Variants in PTPRN2 observed in about 807,000 individuals in gnomAD.
The protein encoded by PTPRN2 is protein tyrosine phosphatase receptor type N2, also known as receptor-type tyrosine-protein phosphatase N2.
PTPRN2 carries 74 observed loss-of-function variants against 118.8 expected under a neutral mutation model. That is an observed-to-expected ratio of 0.62 (90% CI 0.52 to 0.76). PTPRN2 has a LOEUF of 0.76. Ranked by LOEUF, PTPRN2 falls within the 30% of genes least tolerant of loss-of-function variation. The probability of loss-of-function intolerance (pLI) is 0.00; values close to 1 mark genes in which losing one functional copy is unlikely to be tolerated. For missense variants in PTPRN2, 1,481 were observed against 1,394.4 expected (o/e 1.06, Z -0.99); for synonymous variants, 641 against 608.0 (o/e 1.05, Z -0.80).
At chr7:158,342,874 C>G (rs1235303018) in intron 2 of PTPRN2, among the ~76,000 whole-genome samples, 1 of 151,894 alleles carries the variant, frequency 6.6e-6, no homozygotes, top group Non-Finnish European at 1.5e-5. Context: ...CTCACTTGAG[C>G]CAAGATCCAG....
intron 14 of PTPRN2, among the ~76,000 whole-genome samples, chr7:157,655,837 G>A (rs1168810655): frequency 6.6e-6 from 1 of 152,126 alleles, no homozygotes; most frequent in Non-Finnish European, 1.5e-5. Flanking sequence ...CCTGGAAAAG[G>A]CCGCTGAAGC....
intron 11 of PTPRN2, among the ~76,000 whole-genome samples, chr7:158,077,068 T>C (rs939733844): frequency 2.0e-5 from 3 of 152,216 alleles, no homozygotes; most frequent in African/African-American, 7.2e-5. Flanking sequence ...GTCTGCTTTA[T>C]GAGAGGCCAG....
intron 4 of PTPRN2, among the ~76,000 whole-genome samples, chr7:158,194,667 T>C (rs768676629): frequency 3.3e-5 from 5 of 152,194 alleles, no homozygotes; most frequent in African/African-American, 9.6e-5. Flanking sequence ...AGGTCCGAGG[T>C]GGAGGCAGGT....
intron 11 of PTPRN2, among the ~76,000 whole-genome samples, chr7:158,010,191 G>A (rs1005646078): frequency 1.3e-5 from 2 of 152,122 alleles, no homozygotes; most frequent in Non-Finnish European, 2.9e-5. Context: ...ACGGGAGGAC[G>A]GAGTTCATTT....
At chr7:158,173,496 A>C (rs1406333058) in intron 5 of PTPRN2, among the ~76,000 whole-genome samples, 2 of 152,172 alleles carry the variant, frequency 1.3e-5, no homozygotes, top group Non-Finnish European at 2.9e-5. Context: ...GAGGGCAATA[A>C]AAGATCACAA....
chr7:157,766,017 A>C (rs1268879542), intron 12 of PTPRN2, among the ~76,000 whole-genome samples: 3 of 142,524 alleles, frequency 2.1e-5, no homozygotes, highest in Non-Finnish European at 3.0e-5. Flanking sequence ...TCCTTCCTTC[A>C]TCCACCCATC....
rs1473205720 is a variant in PTPRN2 at position 158,022,023 on chromosome 7, G to A, written c.1723+59275C>T. On this transcript the variant is annotated intron_variant, in intron 11 of 22. Transcript: ENST00000389418. The surrounding 1 kb of genome is among the most constrained non-coding windows in gnomAD (Gnocchi z 4.6). The stretch of plus-strand genomic sequence containing the variant: ...GGGCAGCCTCGCCCATCCACCATGA[G>A]GCGAGACCCCACACTCCAGCTGGCC... Among the ~76,000 whole-genome samples, 1 of 152,092 alleles carries A rather than the reference G, an allele frequency of 6.6e-6. No homozygotes were observed. The highest frequency in any genetic ancestry group is 1.5e-5 in the Non-Finnish European group (1 of 68,010).
intron 2 of PTPRN2, among the ~76,000 whole-genome samples, chr7:158,388,738 C>T (rs982668539): frequency 1.2e-4 from 19 of 152,156 alleles, no homozygotes; most frequent in Non-Finnish European, 2.6e-4. Flanking sequence ...GGTGCCTTGG[C>T]CTTTCTGGCC....
chr7:158,407,186 G>GGTCCTGGGTCCTGC (rs1813564821), intron 2 of PTPRN2, among the ~76,000 whole-genome samples: 9 of 17,596 alleles, frequency 5.1e-4, no homozygotes, highest in South Asian at 6.3e-3. Flanking sequence ...CTGCGTCCTG[G>GGTCCTGGGTCCTGC]GTCCTGGGTC....
chr7:158,275,576 G>A (rs1045055003), intron 3 of PTPRN2, among the ~76,000 whole-genome samples: 1 of 152,182 alleles, frequency 6.6e-6, no homozygotes, highest in Non-Finnish European at 1.5e-5. Flanking sequence ...TACAAAAATT[G>A]CAATAAATTA....
intron 12 of PTPRN2, among the ~76,000 whole-genome samples, chr7:157,699,097 C>T (rs1255433834): frequency 6.6e-6 from 1 of 152,208 alleles, no homozygotes; most frequent in African/African-American, 2.4e-5. Flanking sequence ...TATTTGGAAA[C>T]TTTTCCTCGG....
At chr7:158,167,559 T>C (rs1480458905) in intron 5 of PTPRN2, among the ~76,000 whole-genome samples, 1 of 152,226 alleles carries the variant, frequency 6.6e-6, no homozygotes, top group Non-Finnish European at 1.5e-5. Flanking sequence ...TTTATGGAGA[T>C]AATTCACCCA....
At position 157,636,445 on chromosome 7, in the gene PTPRN2, A is replaced by T. The variant is rs190314467; in HGVS notation, c.2197-14936T>A. On this transcript the variant is annotated intron_variant, in intron 14 of 22. Coordinates refer to ENST00000389418, the MANE Select transcript of PTPRN2 (RefSeq NM_002847.5). ...AACAACAACAATTGACAGTGTGATGATTTTAATACCAGACTGCAGCTACTT... is the reference window on the plus strand; with the variant it reads ...AACAACAACAATTGACAGTGTGATGTTTTTAATACCAGACTGCAGCTACTT... 2.0e-3 allele frequency among the ~76,000 whole-genome samples: 304 copies of T among 152,380 alleles called. 1 individual carries two copies. The highest frequency in any genetic ancestry group is 1.7e-3 in the Non-Finnish European group (118 of 68,042).
At chr7:157,952,478 G>GGA (rs1800898256) in intron 11 of PTPRN2, among the ~76,000 whole-genome samples, 2 of 151,416 alleles carry the variant, frequency 1.3e-5, no homozygotes, top group Admixed American at 1.3e-4. Context: ...GGGGACACAG[G>GGA]GAGACAGGCG....
chr7:157,842,993 T>C (rs1333377681), intron 12 of PTPRN2, among the ~76,000 whole-genome samples: 5 of 152,178 alleles, frequency 3.3e-5, no homozygotes, highest in Non-Finnish European at 7.3e-5. Context: ...CCTCCTCCCA[T>C]CTCTAAAGTC....
intron 6 of PTPRN2, among the ~76,000 whole-genome samples, chr7:158,162,565 A>C (rs956495584): frequency 5.9e-5 from 9 of 152,144 alleles, no homozygotes; most frequent in African/African-American, 2.2e-4. Context: ...GACAGCAACA[A>C]GGTCCATGGT....
In PTPRN2 at chr7:158,110,839, C is replaced by G. The variant is rs138418040; in HGVS notation, c.1633G>C (p.Ala545Pro). The G allele has an allele frequency of 6.3e-7, 1 of 1,586,940 alleles. No homozygotes were observed. Among genetic ancestry groups the G allele is most frequent in the South Asian group, 1.1e-5 (1 of 87,080 alleles). ...GGGCCCCGTACTTACTCCACGTCAG[C>G]GAACGCACTGCTGGGCACCTGCAGG... ...RLLQVPSSAF[A>P]DVEVLGPAVT... Residue 545 changes from alanine to proline, a missense_variant, in exon 10 of 23, where the codon GCT becomes CCT. Transcript: ENST00000389418.
intron 11 of PTPRN2, among the ~76,000 whole-genome samples, chr7:157,911,096 C>G (rs766599453): frequency 6.6e-6 from 1 of 152,236 alleles, no homozygotes; most frequent in Non-Finnish European, 1.5e-5. Flanking sequence ...GCCAAAGGCA[C>G]TGTGGCACAG....
intron 4 of PTPRN2, among the ~76,000 whole-genome samples, chr7:158,194,325 C>A (rs139870388): frequency 6.6e-6 from 1 of 152,190 alleles, no homozygotes; most frequent in African/African-American, 2.4e-5. Context: ...TAATTGAGTG[C>A]GTCATTTATG....
Sources: allele counts gnomAD v4.1 joint callset (sites outside exome capture counted in the v4.1 genomes callset), GRCh38; gene constraint gnomAD v4.1.1; non-coding constraint Gnocchi (gnomAD v3.1); transcripts MANE v1.5; gene names NCBI Gene and HGNC (gene_info 2026-07-23, HGNC 2026-07-21).